ATP7B: variants seen among roughly 807,000 people sequenced by gnomAD.
ATP7B encodes copper-transporting ATPase 2.
A neutral mutation model predicts 118.9 loss-of-function variants in ATP7B; 113 were observed. That is an observed-to-expected ratio of 0.95 (90% CI 0.82 to 1.11). The LOEUF (loss-of-function observed/expected upper bound fraction) is 1.11, where lower values mean the gene tolerates loss of function less well. Ranked by LOEUF, ATP7B falls within the 50% of genes most tolerant of loss-of-function variation. The pLI is 0.00. For synonymous variants in ATP7B, 777 were observed against 727.4 expected (o/e 1.07, Z -1.10); for missense variants, 1,867 against 1,871.4 (o/e 1.00, Z 0.04).
rs1958452683 is a variant in ATP7B at position 51,957,777 on chromosome 13, C to T, written c.2356-170G>A. 9.1e-6 allele frequency: 6 copies of T among 662,828 alleles called. No homozygotes were observed. In the East Asian group the frequency reaches 1.4e-4, roughly 15 times the overall value. The allele number at this position is 662,828 out of a possible 1,614,324, so 41.1% of individuals were successfully genotyped here. The stretch of plus-strand genomic sequence containing the variant: ...TTACTTGCTATCCACCACACATGGC[C>T]ACATGTCACTTCCACAGTGATGCAC... On this transcript the variant is annotated intron_variant, in intron 8 of 20. Transcript: ENST00000242839.
chr13:52,011,605 G>A (rs1332648052), upstream of ATP7B: 4 of 585,512 alleles, frequency 6.8e-6, no homozygotes, highest in Non-Finnish European at 1.2e-5. Context: ...AGCGTGAGGG[G>A]AGAGTGGGCC....
rs1361734583 is a variant in ATP7B, at chr13:51,970,549, C to T, written c.1486G>A (p.Gly496Ser). 1.2e-6 allele frequency: 2 copies of T among 1,614,148 alleles called. No homozygotes were observed. Among genetic ancestry groups the T allele is most frequent in the African/African-American group, 2.7e-5 (2 of 75,044 alleles). Reference protein sequence around the residue: ...APQKCFLQIKGMTCASCVSNI... With the variant: ...APQKCFLQIKSMTCASCVSNI... ...GACACACAGGATGCACAGGTCATGC[C>T]TTTGATCTGTAAGAAGCACTTCTGC... The change falls in exon 3 of 21, where the codon GGC becomes AGC. Residue 496 changes from glycine (G) to serine (S), a missense_variant. By Grantham distance (56) the Gly-to-Ser change is moderately conservative. Coordinates refer to ENST00000242839, the MANE Select transcript of ATP7B (RefSeq NM_000053.4).
rs201108784 is a variant in ATP7B at position 51,934,733 on chromosome 13, C to A, written c.*23G>T. 315 of 1,611,708 alleles carry A rather than the reference C, an allele frequency of 2.0e-4. No homozygotes were observed. In the African/African-American group the frequency reaches 3.8e-3, roughly 19 times the overall value. On this transcript the variant is annotated 3_prime_UTR_variant, in exon 21 of 21. Coordinates refer to ENST00000242839, the MANE Select transcript of ATP7B (RefSeq NM_000053.4). ...GTGGTGAGTGGAGGCAAGTCCCTGC[C>A]CCGGCCCGCCTGCCTGAAGTCATCA...
intron 3 of ATP7B, among the ~76,000 whole-genome samples, chr13:51,970,140 C>G (rs570249411): frequency 6.6e-6 from 1 of 152,192 alleles, no homozygotes; most frequent in Admixed American, 6.5e-5. Flanking sequence ...ATACAAAATG[C>G]AGGTTATTTA....
chr13:51,982,812 T>A (rs1226110952), intron 1 of ATP7B, among the ~76,000 whole-genome samples: 1 of 152,218 alleles, frequency 6.6e-6, no homozygotes, highest in Non-Finnish European at 1.5e-5. Flanking sequence ...CACAAGTGGT[T>A]AGTGAACCTC....
intron 7 of ATP7B, chr13:51,959,002 C>T (rs1042232825): frequency 1.9e-5 from 4 of 209,312 alleles, no homozygotes; most frequent in East Asian, 1.1e-4. Context: ...ATCTGTATTA[C>T]GTGAACATAT....
chr13:51,971,284 T>C (rs115621455), intron 2 of ATP7B, among the ~76,000 whole-genome samples: 242 of 152,376 alleles, frequency 1.6e-3, no homozygotes, highest in African/African-American at 5.3e-3. Flanking sequence ...ACTATACATA[T>C]GTCATGAATA....
At chr13:52,004,382 T>C (rs1232525661) in intron 1 of ATP7B, among the ~76,000 whole-genome samples, 1 of 151,716 alleles carries the variant, frequency 6.6e-6, no homozygotes, top group Non-Finnish European at 1.5e-5. Context: ...GAAGATGGAG[T>C]TGCATCCTAA....
At chr13:52,002,038 T>C (rs1214080467) in intron 1 of ATP7B, among the ~76,000 whole-genome samples, 1 of 152,138 alleles carries the variant, frequency 6.6e-6, no homozygotes, top group Non-Finnish European at 1.5e-5. Context: ...GCTCAAGCAA[T>C]CCGCCTACTT....
At chr13:51,953,851 T>TAAAAAAGAAAAAAAAA (rs1958162288) in intron 9 of ATP7B, among the ~76,000 whole-genome samples, 1 of 94,364 alleles carries the variant, frequency 1.1e-5, no homozygotes, top group Non-Finnish European at 2.1e-5. Flanking sequence ...CCATCAATTG[T>TAAAAAAGAAAAAAAAA]AAAAAAAAAA....
chr13:51,960,415 T>C lies in ATP7B; in HGVS notation c.1947-93A>G. 1.5e-5 allele frequency: 22 copies of C among 1,477,510 alleles called. No individual in the cohort carries two copies. In the South Asian group the frequency reaches 2.4e-4, roughly 16 times the overall value. 91.5% of individuals were successfully genotyped at this position (1,477,510 alleles called of 1,614,324 possible). A position where few individuals can be genotyped will look rare whatever the true frequency, so the allele number is the denominator to read the frequency against. ...CCTTCTGAGGACACAGTTTAAGACC[T>C]GCCTTTGTCACATGTCTGGGACAGA... On this transcript the variant is annotated intron_variant, in intron 6 of 20. Coordinates refer to ENST00000242839, the MANE Select transcript of ATP7B (RefSeq NM_000053.4).
intron 2 of ATP7B, among the ~76,000 whole-genome samples, chr13:51,973,679 T>G (rs1025321592): frequency 1.3e-5 from 2 of 152,198 alleles, no homozygotes; most frequent in Admixed American, 1.3e-4. Context: ...TTACCCAAAT[T>G]CAGCCATTCT....
In ATP7B at chr13:51,934,735, C is replaced by G. The variant is rs750894355; in HGVS notation, c.*21G>C. ...GGTGAGTGGAGGCAAGTCCCTGCCC[C>G]GGCCCGCCTGCCTGAAGTCATCAGA... is the stretch of plus-strand genomic sequence containing the variant. On this transcript the variant is annotated 3_prime_UTR_variant, in exon 21 of 21. Coordinates refer to ENST00000242839, the MANE Select transcript of ATP7B (RefSeq NM_000053.4). The G allele has an allele frequency of 6.2e-7, 1 of 1,611,652 alleles. No homozygotes were observed. Among genetic ancestry groups the G allele is most frequent in the African/African-American group, 1.3e-5 (1 of 74,908 alleles).
intron 1 of ATP7B, among the ~76,000 whole-genome samples, chr13:51,999,423 C>T (rs1321092270): frequency 6.6e-6 from 1 of 152,184 alleles, no homozygotes; most frequent in Non-Finnish European, 1.5e-5. Context: ...CACAAACACA[C>T]ACATACCTAA....
Position 51,968,589 on chromosome 13 carries a change from A to G in ATP7B, c.1562T>C (p.Val521Ala). 1 of 1,614,152 alleles carries G rather than the reference A, an allele frequency of 6.2e-7. No homozygotes were observed. The highest frequency in any genetic ancestry group is 8.5e-7 in the Non-Finnish European group (1 of 1,180,022). Reference sequence around the variant, plus strand: ...CTCTGCCTTTCCTGCCATCAAGGCAACCAACACGGAGAGAACACCTGGAAC... The same window carrying G: ...CTCTGCCTTTCCTGCCATCAAGGCAGCCAACACGGAGAGAACACCTGGAAC... ...QKEAGVLSVL[V>A]ALMAGKAEIK... Residue 521 changes from valine (V) to alanine (A), a missense_variant, in exon 4 of 21, where the codon GTT (valine) becomes GCT (alanine). Physicochemically the swap from Val to Ala is moderately conservative, Grantham distance 64 (BLOSUM62 0). Transcript: ENST00000242839.
At chr13:52,011,856 G>A (rs1163980385), upstream of ATP7B, among the ~76,000 whole-genome samples, 1 of 152,250 alleles carries the variant, frequency 6.6e-6, no homozygotes, top group Admixed American at 6.5e-5. Flanking sequence ...CGCAGAGCCG[G>A]GCCGCAGACT....
In ATP7B at chr13:51,941,156, T is replaced by A. The variant is rs1162880416; in HGVS notation, c.3481A>T (p.Ile1161Phe). The A allele has an allele frequency of 1.2e-6, 2 of 1,614,100 alleles. No individual in the cohort carries two copies. The highest frequency in any genetic ancestry group is 1.7e-6 in the Non-Finnish European group (2 of 1,180,004). ...ATAGCGTCACTGACATCGCTAGAAA[T>A]GGTTAAACCGTTGCGCCTCAGCCAC... ...REWLRRNGLT[I>F]SSDVSDAMTD... The change falls in exon 16 of 21, where the codon ATT (isoleucine) becomes TTT (phenylalanine). Residue 1161 changes from isoleucine (I) to phenylalanine (F), a missense_variant. Ile to Phe is a conservative substitution (Grantham distance 21). Coordinates refer to ENST00000242839, the MANE Select transcript of ATP7B (RefSeq NM_000053.4).
At position 51,964,881 on chromosome 13, in the gene ATP7B, T is replaced by G. The variant is rs1240615130; in HGVS notation, c.1860A>C (p.Lys620Asn). ...TTAATGAATTACTTACCTCAATAAT[T>G]TTGATAATATCCCGTGGACCGATAA... ...PEIIGPRDII[K>N]IIEEIGFHAS... Residue 620 changes from lysine (K) to asparagine (N), a missense_variant, in exon 5 of 21, where the codon AAA (lysine) becomes AAC (asparagine). Physicochemically the swap from Lys to Asn is moderately conservative, Grantham distance 94 (BLOSUM62 0). Transcript: ENST00000242839. 6.2e-7 allele frequency: 1 copy of G among 1,614,052 alleles called. No individual in the cohort carries two copies. Among genetic ancestry groups the G allele is most frequent in the African/African-American group, 1.3e-5 (1 of 74,916 alleles).
chr13:51,934,376 G>T lies in ATP7B; in HGVS notation c.*380C>A. The T allele has an allele frequency of 3.0e-6, 1 of 338,338 alleles. No individual in the cohort carries two copies. 21.0% of individuals were successfully genotyped at this position (338,338 alleles called of 1,614,324 possible). A position where few individuals can be genotyped will look rare whatever the true frequency, so the allele number is the denominator to read the frequency against. On this transcript the variant is annotated 3_prime_UTR_variant, in exon 21 of 21. Coordinates refer to ENST00000242839, the MANE Select transcript of ATP7B (RefSeq NM_000053.4). ...TGACAGTGAGGTCTGCAGTTCTCTG[G>T]AAAGGCCCAGTGAGGTTTTTTGGTC... is the stretch of plus-strand genomic sequence containing the variant.
Sources: allele counts gnomAD v4.1 joint callset (sites outside exome capture counted in the v4.1 genomes callset), GRCh38; gene constraint gnomAD v4.1.1; transcripts MANE v1.5; gene names NCBI Gene and HGNC (gene_info 2026-07-23, HGNC 2026-07-21).